LYST: variants seen among roughly 807,000 people sequenced by gnomAD.
LYST encodes the protein lysosomal trafficking regulator.
Under a neutral mutation model 413.6 loss-of-function variants are expected in LYST, and 192 were observed. That is an observed-to-expected ratio of 0.46 (90% CI 0.41 to 0.52). The LOEUF is 0.52. Among genes scored for constraint, LYST ranks in the 20% least tolerant of loss-of-function variants. The probability of loss-of-function intolerance (pLI) is 0.00; values close to 1 mark genes in which losing one functional copy is unlikely to be tolerated. For synonymous variants in LYST, 1,525 were observed against 1,567.3 expected (o/e 0.97, Z 0.64); for missense variants, 3,815 against 4,499.9 (o/e 0.85, Z 4.35).
At chr1:235,882,438 T>C (rs911516757) in intron 1 of LYST, among the ~76,000 whole-genome samples, 2 of 152,186 alleles carry the variant, frequency 1.3e-5, no homozygotes, top group African/African-American at 4.8e-5. Flanking sequence ...TGGAGTCCAT[T>C]AAGCTGGATA....
intron 1 of LYST, among the ~76,000 whole-genome samples, chr1:235,880,109 T>C (rs1681315191): frequency 6.6e-6 from 1 of 152,212 alleles, no homozygotes; most frequent in Non-Finnish European, 1.5e-5. Flanking sequence ...AGCAACTACA[T>C]GCATAGCACT....
Position 235,810,239 on chromosome 1 carries a change from T to A in LYST, c.579A>T (p.Thr193=). Residue 193 remains threonine, a synonymous_variant, in exon 5 of 53, where the codon ACA becomes ACT. Transcript: ENST00000389793. ...RRPHLLHHFL[T]SFPKQDHPKA... is the part of the protein sequence containing the mutation. Reference sequence around the variant, plus strand: ...TGGGGTGGTCTTGTTTAGGAAACGATGTTAAAAAATGATGCAGCAGATGGG... The same window carrying A: ...TGGGGTGGTCTTGTTTAGGAAACGAAGTTAAAAAATGATGCAGCAGATGGG... 8.1e-6 allele frequency: 13 copies of A among 1,614,122 alleles called. No homozygotes were observed. Among genetic ancestry groups the A allele is most frequent in the Non-Finnish European group, 9.3e-6 (11 of 1,179,994 alleles).
chr1:235,804,444 C>T, intron 7 of LYST, 60 bp downstream of exon 7: 1 of 1,356,376 alleles, frequency 7.4e-7, no homozygotes, highest in Non-Finnish European at 1.1e-6. Flanking sequence ...TAGTGTCATC[C>T]CACACTTCCG....
chr1:235,865,107 A>T (rs1220502920), intron 1 of LYST, among the ~76,000 whole-genome samples: 2 of 152,150 alleles, frequency 1.3e-5, no homozygotes, highest in Non-Finnish European at 2.9e-5. Context: ...CAGCCAAATC[A>T]GCCTCTCTGC....
upstream of LYST, among the ~76,000 whole-genome samples, chr1:235,871,469 A>AATT (rs1680921513): frequency 1.3e-5 from 2 of 152,242 alleles, no homozygotes; most frequent in Non-Finnish European, 2.9e-5. Context: ...ATGTCCTAGT[A>AATT]CTTTAAGAAC....
chr1:235,721,212 A>AG (rs1663341193), intron 39 of LYST, among the ~76,000 whole-genome samples: 1 of 152,228 alleles, frequency 6.6e-6, no homozygotes, highest in South Asian at 2.1e-4. Flanking sequence ...TAAGGAAAAA[A>AG]GAAGAGTTTT....
chr1:235,734,220 A>G (rs1418223264), intron 32 of LYST, among the ~76,000 whole-genome samples: 2 of 152,118 alleles, frequency 1.3e-5, no homozygotes, highest in Admixed American at 6.5e-5. Context: ...GGTATGCTTC[A>G]GCTTGCTTGT....
chr1:235,814,833 C>G (rs976834080), intron 3 of LYST, among the ~76,000 whole-genome samples: 21 of 152,136 alleles, frequency 1.4e-4, no homozygotes, highest in African/African-American at 5.1e-4. Flanking sequence ...GAAAACCCTT[C>G]ACGGCAATGA....
intron 45 of LYST, among the ~76,000 whole-genome samples, chr1:235,699,037 T>C (rs1340597774): frequency 1.3e-5 from 2 of 152,194 alleles, no homozygotes; most frequent in Admixed American, 1.3e-4. Flanking sequence ...AGTTTTTCAA[T>C]GACACAGAAA....
intron 19 of LYST, among the ~76,000 whole-genome samples, chr1:235,773,272 C>G (rs1466093300): frequency 6.6e-6 from 1 of 151,662 alleles, no homozygotes; most frequent in Non-Finnish European, 1.5e-5. Context: ...GAGCCAAGAT[C>G]ACGCCACTGC....
At chr1:235,722,480 T>TTTTTG (rs577582331) in intron 39 of LYST, among the ~76,000 whole-genome samples, 26 of 152,112 alleles carry the variant, frequency 1.7e-4, no homozygotes, top group African/African-American at 5.8e-4. Flanking sequence ...CTGAGCAAGT[T>TTTTTG]TTTTGTTTTG....
intron 1 of LYST, among the ~76,000 whole-genome samples, chr1:235,882,078 TCACACA>T (rs71174466): frequency 2.1e-4 from 31 of 145,840 alleles, no homozygotes; most frequent in Admixed American, 8.9e-4. Context: ...ACTCTTTCTT[TCACACA>T]CACACACACA....
chr1:235,808,903 T>G lies in LYST; in HGVS notation c.1915A>C (p.Ile639Leu), dbSNP rs753801553. The change falls in exon 5 of 53, where the codon ATT (isoleucine) becomes CTT (leucine). Residue 639 changes from isoleucine to leucine, a missense_variant. Coordinates refer to ENST00000389793, the MANE Select transcript of LYST (RefSeq NM_000081.4). ...AGTTGGTCAGAGTCAACAGTACAAA[T>G]ATTACAAGCTGCTTTTTTAATTTTT... ...SPKIKKAACN[I>L]CTVDSDQLAQ... 1.9e-6 allele frequency: 3 copies of G among 1,612,940 alleles called. No homozygotes were observed. The South Asian group carries it at 3.3e-5, about 18-fold the overall frequency.
intron 48 of LYST, among the ~76,000 whole-genome samples, chr1:235,683,659 C>A (rs1660001049): frequency 6.6e-6 from 1 of 152,188 alleles, no homozygotes; most frequent in Non-Finnish European, 1.5e-5. Flanking sequence ...AAGGATTTGG[C>A]CACATCCTAT....
intron 42 of LYST, among the ~76,000 whole-genome samples, chr1:235,713,403 G>A (rs1662566475): frequency 6.6e-6 from 1 of 152,182 alleles, no homozygotes; most frequent in Non-Finnish European, 1.5e-5. Flanking sequence ...AGGAAATACG[G>A]AACAAGAGTA....
chr1:235,703,590 A>G (rs1661720304), intron 44 of LYST, among the ~76,000 whole-genome samples: 1 of 152,138 alleles, frequency 6.6e-6, no homozygotes, highest in South Asian at 2.1e-4. Context: ...TATCCACTTG[A>G]TGGCTTAGCT....
rs749041963 is a variant in LYST, at chr1:235,720,834, G to A, written c.9387C>T (p.Thr3129=). The A allele has an allele frequency of 1.1e-5, 18 of 1,613,516 alleles. No individual in the cohort carries two copies. Among genetic ancestry groups the A allele is most frequent in the Admixed American group, 3.3e-5 (2 of 59,992 alleles). Residue 3129 remains threonine, a synonymous_variant, in exon 40 of 53, where the codon ACC becomes ACT. Transcript: ENST00000389793. The stretch of plus-strand genomic sequence containing the variant: ...CAGTATACCATAAATTTGTCAGAGC[G>A]GTGATGTTACCATATTCCAGAAGAT... ...LPNLLEYGNI[T]ALTNLWYTGQ...
chr1:235,871,225 A>G (rs966680634), upstream of LYST, among the ~76,000 whole-genome samples: 3 of 152,240 alleles, frequency 2.0e-5, no homozygotes, highest in Non-Finnish European at 4.4e-5. Flanking sequence ...TGGTTTTAGT[A>G]TGATTCTTTC....
chr1:235,752,044 G>C lies in LYST; in HGVS notation c.7588C>G (p.Leu2530Val). 1 of 1,610,596 alleles carries C rather than the reference G, an allele frequency of 6.2e-7. No individual in the cohort carries two copies. Among genetic ancestry groups the C allele is most frequent in the Non-Finnish European group, 8.5e-7 (1 of 1,177,384 alleles). ...FRVIEDLIVMLGYLQNSKNKR... is the reference protein window; with the variant it reads ...FRVIEDLIVMVGYLQNSKNKR... ...TTTTTGCTATTTTGAAGATATCCAAGCATTACAATAAGGTCTTCAATAACC... is the reference window on the plus strand; with the variant it reads ...TTTTTGCTATTTTGAAGATATCCAACCATTACAATAAGGTCTTCAATAACC... Residue 2530 changes from leucine (L) to valine (V), a missense_variant, in exon 27 of 53, where the codon CTT becomes GTT. Coordinates refer to ENST00000389793, the MANE Select transcript of LYST (RefSeq NM_000081.4).
Sources: gnomAD v4.1 joint callset for allele counts (sites outside exome capture counted in the v4.1 genomes callset) on GRCh38, gnomAD v4.1.1 for gene constraint, MANE v1.5 for transcripts, NCBI Gene and HGNC (gene_info 2026-07-23, HGNC 2026-07-21) for gene names.